Variants in ROR1 observed in about 807,000 individuals in gnomAD.
The protein encoded by ROR1 is inactive tyrosine-protein kinase transmembrane receptor ROR1.
A neutral mutation model predicts 78.8 loss-of-function variants in ROR1; 19 were observed. That is an observed-to-expected ratio of 0.24 (90% confidence interval 0.17 to 0.35). The LOEUF (loss-of-function observed/expected upper bound fraction) is 0.35, where lower values mean the gene tolerates loss of function less well. Among genes scored for constraint, ROR1 ranks in the 10% least tolerant of loss-of-function variants. The probability of loss-of-function intolerance (pLI) is 1.00; values close to 1 mark genes in which losing one functional copy is unlikely to be tolerated. For missense variants in ROR1, 917 were observed against 1,177.8 expected (o/e 0.78, Z 3.24); for synonymous variants, 386 against 433.6 (o/e 0.89, Z 1.36).
intron 1 of ROR1, among the ~76,000 whole-genome samples, chr1:63,801,087 T>A (rs629729): frequency 0.35 from 53,513 of 151,470 alleles, 13,474 homozygotes; most frequent in African/African-American, 0.72. Flanking sequence ...AGATGGTTTA[T>A]TTATTTATTA....
chr1:64,001,421 T>C (rs1646381871), intron 1 of ROR1, among the ~76,000 whole-genome samples: 3 of 152,208 alleles, frequency 2.0e-5, no homozygotes, highest in Non-Finnish European at 4.4e-5. Context: ...TTATCTTGAC[T>C]GTGGTAGTGG....
At chr1:63,926,438 A>T (rs1645704595) in intron 1 of ROR1, among the ~76,000 whole-genome samples, 1 of 152,174 alleles carries the variant, frequency 6.6e-6, no homozygotes, top group African/African-American at 2.4e-5. Flanking sequence ...GAAGTCAGGT[A>T]GTGTGATGCC....
intron 4 of ROR1, among the ~76,000 whole-genome samples, chr1:64,068,156 T>A: frequency 6.6e-6 from 1 of 152,232 alleles, no homozygotes. Context: ...AGCATATTGA[T>A]CCGTGTTAAA....
intron 2 of ROR1, among the ~76,000 whole-genome samples, chr1:64,015,791 G>A (rs1337142189): frequency 5.3e-5 from 8 of 152,038 alleles, no homozygotes; most frequent in Non-Finnish European, 7.4e-5. Context: ...GGTTGGGGTC[G>A]TAAGCAACAT....
At position 63,864,976 on chromosome 1, in the gene ROR1, T is replaced by C. The variant is rs140663461; in HGVS notation, c.91+90468T>C. ...AGTTCAGTTTCCCATTTAACTTTTA[T>C]GAATGTTTTCTTTGTTAAGATGAGT... is the stretch of plus-strand genomic sequence containing the variant. On this transcript the variant is annotated intron_variant, in intron 1 of 8. Transcript: ENST00000371079. 5.4e-3 allele frequency among the ~76,000 whole-genome samples: 819 copies of C among 152,280 alleles called. 6 individuals are homozygous for C. Among genetic ancestry groups the C allele is most frequent in the African/African-American group, 0.019 (785 of 41,556 alleles).
chr1:63,950,009 A>C (rs1645922396), intron 1 of ROR1, among the ~76,000 whole-genome samples: 1 of 152,160 alleles, frequency 6.6e-6, no homozygotes, highest in South Asian at 2.1e-4. Context: ...TGTTAGAATC[A>C]CCGCAGTTTC....
At chr1:63,878,494 AT>A (rs11321676) in intron 1 of ROR1, among the ~76,000 whole-genome samples, 133,712 of 149,688 alleles carry the variant, frequency 0.89, 59,844 homozygotes, top group East Asian at 1. Context: ...AGCTGGAGTG[AT>A]TTTTTTTTTT....
At position 64,177,987 on chromosome 1, in the gene ROR1, A is replaced by G; in HGVS notation, c.1946A>G (p.Gln649Arg). The G allele has an allele frequency of 6.2e-7, 1 of 1,614,228 alleles. No homozygotes were observed. Among genetic ancestry groups the G allele is most frequent in the Non-Finnish European group, 8.5e-7 (1 of 1,180,032 alleles). ...TACTCCGCTGATTACTACAGGGTCC[A>G]GAGTAAGTCCTTGCTGCCCATTCGC... Reference protein sequence around the residue: ...EIYSADYYRVQSKSLLPIRWM... With the variant: ...EIYSADYYRVRSKSLLPIRWM... Residue 649 changes from glutamine to arginine, a missense_variant, in exon 9 of 9, where the codon CAG (glutamine) becomes CGG (arginine). Gln to Arg is a conservative substitution (Grantham distance 43, BLOSUM62 1). Coordinates refer to ENST00000371079, the MANE Select transcript of ROR1 (RefSeq NM_005012.4).
intron 1 of ROR1, chr1:63,789,321 G>C: frequency 2.0e-6 from 1 of 489,054 alleles, no homozygotes; most frequent in Non-Finnish European, 3.8e-6. Context: ...GACCATAGCA[G>C]TGAAAGGTGA....
intron 4 of ROR1, among the ~76,000 whole-genome samples, chr1:64,085,061 AT>A (rs1410551768): frequency 6.6e-6 from 1 of 152,178 alleles, no homozygotes; most frequent in Non-Finnish European, 1.5e-5. Context: ...TAAGGAAATA[AT>A]TTTCTTTTTC....
intron 4 of ROR1, chr1:64,110,890 T>C (rs1047245633): frequency 2.6e-5 from 4 of 152,090 alleles, no homozygotes; most frequent in Admixed American, 6.6e-5. Flanking sequence ...TACCATATAT[T>C]TGTGAGCCCA....
intron 8 of ROR1, among the ~76,000 whole-genome samples, chr1:64,170,004 T>A (rs1650192190): frequency 6.6e-6 from 1 of 152,170 alleles, no homozygotes. Context: ...CCTGGCTGCT[T>A]TCATGGGCTG....
rs777805288 is a variant in ROR1 at position 64,159,162 on chromosome 1, G to C, written c.1356G>C (p.Glu452Asp). Reference sequence around the variant, plus strand: ...AACACGTCAGAGGTCAAAATGTAGAGATGTCAATGCTGAATGCATATAAAC... The same window carrying C: ...AACACGTCAGAGGTCAAAATGTAGACATGTCAATGCTGAATGCATATAAAC... ...QPKHVRGQNVEMSMLNAYKPK... is the reference protein window; with the variant it reads ...QPKHVRGQNVDMSMLNAYKPK... Residue 452 changes from glutamate (E) to aspartate (D), a missense_variant, in exon 8 of 9, where the codon GAG becomes GAC. Transcript: ENST00000371079. 8.7e-5 allele frequency: 141 copies of C among 1,613,930 alleles called. No homozygotes were observed. In the Admixed American group the frequency reaches 2.3e-3, roughly 27 times the overall value.
At chr1:63,788,959 C>T in intron 1 of ROR1, 1 of 694,572 alleles carries the variant, frequency 1.4e-6, no homozygotes, top group Non-Finnish European at 2.6e-6. Context: ...ATGAGGTGAT[C>T]AATCTTCTTA....
rs965328374 is a variant in ROR1, at chr1:64,118,965, A to C, written c.483-18404A>C. On this transcript the variant is annotated intron_variant, in intron 4 of 8. Transcript: ENST00000371079. ...TTGTCATGGTTTGACAGTATTAATG[A>C]AACACTTCATCGTGTGTCAGCCAGC... 1.2e-4 allele frequency among the ~76,000 whole-genome samples: 19 copies of C among 152,226 alleles called. 1 individual carries two copies. Among genetic ancestry groups the C allele is most frequent in the African/African-American group, 4.6e-4 (19 of 41,456 alleles).
intron 4 of ROR1, chr1:64,113,617 G>T (rs1417935267): frequency 6.6e-6 from 1 of 152,084 alleles, no homozygotes; most frequent in Non-Finnish European, 1.5e-5. Context: ...GAACTTTGGG[G>T]TGAAAACTCA....
chr1:63,921,112 G>A (rs1046682701), intron 1 of ROR1, among the ~76,000 whole-genome samples: 2 of 152,154 alleles, frequency 1.3e-5, no homozygotes, highest in African/African-American at 4.8e-5. Context: ...CAGACACCAT[G>A]ATTAAAGGAC....
chr1:64,108,654 A>AAC (rs368754609), intron 4 of ROR1, among the ~76,000 whole-genome samples: 10 of 151,644 alleles, frequency 6.6e-5, no homozygotes, highest in Non-Finnish European at 7.4e-5. Context: ...CCCATCACAT[A>AAC]ACACACACAC....
chr1:64,097,064 T>C (rs1647327237), intron 4 of ROR1, among the ~76,000 whole-genome samples: 1 of 152,214 alleles, frequency 6.6e-6, no homozygotes, highest in Non-Finnish European at 1.5e-5. Context: ...TTTTAATGGC[T>C]ACTCTAAAAA....
Sources: gnomAD v4.1 joint callset for allele counts (sites outside exome capture counted in the v4.1 genomes callset) on GRCh38, gnomAD v4.1.1 for gene constraint, MANE v1.5 for transcripts, NCBI Gene and HGNC (gene_info 2026-07-23, HGNC 2026-07-21) for gene names.